Variants in PBK observed in about 807,000 individuals in gnomAD.
The protein encoded by PBK is lymphokine-activated killer T-cell-originated protein kinase.
A neutral mutation model predicts 33.5 loss-of-function variants in PBK; 22 were observed. That is an observed-to-expected ratio of 0.66 (90% CI 0.47 to 0.94). The LOEUF is 0.94. Ranked by LOEUF, PBK falls within the 40% of genes least tolerant of loss-of-function variation. The pLI is 0.00. For missense variants in PBK, 376 were observed against 383.4 expected (o/e 0.98, Z 0.16); for synonymous variants, 129 against 123.8 (o/e 1.04, Z -0.28).
intron 6 of PBK, among the ~76,000 whole-genome samples, chr8:27,815,757 T>A (rs1275210276): frequency 1.3e-5 from 2 of 152,228 alleles, no homozygotes; most frequent in African/African-American, 2.4e-5. Context: ...GTATGTATGT[T>A]TACAGTTCTC....
chr8:27,833,992 GAA>G (rs1806180320), intron 1 of PBK, among the ~76,000 whole-genome samples: 1 of 149,682 alleles, frequency 6.7e-6, no homozygotes, highest in African/African-American at 2.4e-5. Flanking sequence ...CTAAATGAAA[GAA>G]GCCAGACACA....
At chr8:27,833,922 T>G (rs1806179204) in intron 1 of PBK, among the ~76,000 whole-genome samples, 1 of 152,152 alleles carries the variant, frequency 6.6e-6, no homozygotes, top group Admixed American at 6.5e-5. Context: ...GGAATATTAT[T>G]CAGTCATAAA....
In PBK at chr8:27,810,455, T is replaced by G. The variant is rs763169761; in HGVS notation, c.819A>C (p.Ala273=). The G allele has an allele frequency of 3.7e-5, 59 of 1,607,924 alleles. No homozygotes were observed. In the South Asian group the frequency reaches 6.2e-4, roughly 17 times the overall value. Residue 273 remains alanine, a synonymous_variant, in exon 8 of 8, where the codon GCA becomes GCC. Coordinates refer to ENST00000301905, the MANE Select transcript of PBK (RefSeq NM_018492.4). ...TAATAGGTGGCCTAGTTCCCAACGC[T>G]GCATAGTATGCTTCATCATCAAAAT... ...ESDFDDEAYY[A]ALGTRPPINM... is the part of the protein sequence containing the mutation.
Position 27,833,095 on chromosome 8 carries a change from A to G in PBK, c.19T>C (p.Phe7Leu), listed in dbSNP as rs142678781. The change falls in exon 2 of 8, where the codon TTC becomes CTC. Residue 7 changes from phenylalanine to leucine, a missense_variant. Coordinates refer to ENST00000301905, the MANE Select transcript of PBK (RefSeq NM_018492.4). MEGISNFKTPSKLSEKK... is the reference protein window; with the variant it reads MEGISNLKTPSKLSEKK... Reference sequence around the variant, plus strand: ...TCTGATAATTTGCTTGGTGTCTTGAAATTACTGATCCCTTCCATTGTGAAA... The same window carrying G: ...TCTGATAATTTGCTTGGTGTCTTGAGATTACTGATCCCTTCCATTGTGAAA... 1 of 1,600,092 alleles carries G rather than the reference A, an allele frequency of 6.2e-7. No individual in the cohort carries two copies. The highest frequency in any genetic ancestry group is 1.4e-5 in the African/African-American group (1 of 74,020).
intron 2 of PBK, among the ~76,000 whole-genome samples, chr8:27,829,441 G>A (rs1020569896): frequency 9.2e-5 from 14 of 152,124 alleles, no homozygotes; most frequent in Non-Finnish European, 1.9e-4. Flanking sequence ...CTTAACCTCA[G>A]ACCATAACTA....
chr8:27,816,399 G>A (rs1805816113), intron 6 of PBK, among the ~76,000 whole-genome samples: 1 of 138,842 alleles, frequency 7.2e-6, no homozygotes, highest in Non-Finnish European at 1.5e-5. Context: ...TTTTTTTTGA[G>A]ATGGAATCTC....
intron 3 of PBK, among the ~76,000 whole-genome samples, chr8:27,826,082 G>A (rs1239108442): frequency 6.6e-6 from 1 of 152,124 alleles, no homozygotes; most frequent in African/African-American, 2.4e-5. Context: ...ACAGTGGGGG[G>A]GACAGATAAC....
chr8:27,813,321 G>C (rs1805734609), intron 6 of PBK, among the ~76,000 whole-genome samples: 1 of 152,088 alleles, frequency 6.6e-6, no homozygotes, highest in African/African-American at 2.4e-5. Flanking sequence ...CCTGTCATGG[G>C]GTAGGGGGGA....
chr8:27,834,114 G>A (rs1806184403), intron 1 of PBK, among the ~76,000 whole-genome samples: 1 of 149,732 alleles, frequency 6.7e-6, no homozygotes, highest in African/African-American at 2.5e-5. Flanking sequence ...TGCAACCTCT[G>A]CCTCCCAGGT....
At position 27,830,851 on chromosome 8, in the gene PBK, C is replaced by T. The variant is rs4631418; in HGVS notation, c.58+2205G>A. Among the ~76,000 whole-genome samples the T allele has an allele frequency of 1.0e-3, 158 of 152,076 alleles. 1 individual carries two copies. The East Asian group carries it at 0.027, about 26-fold the overall frequency. ...AATAAACTCAATTTAAATATAAAGACGCAAATAGGGCAAGAGTAAAGGGTT... is the reference window on the plus strand; with the variant it reads ...AATAAACTCAATTTAAATATAAAGATGCAAATAGGGCAAGAGTAAAGGGTT... On this transcript the variant is annotated intron_variant, in intron 2 of 7. Coordinates refer to ENST00000301905, the MANE Select transcript of PBK (RefSeq NM_018492.4).
rs1805654152 is a variant in PBK, at chr8:27,810,454, C to T, written c.820G>A (p.Ala274Thr). Residue 274 changes from alanine to threonine, a missense_variant, in exon 8 of 8, where the codon GCG becomes ACG. Coordinates refer to ENST00000301905, the MANE Select transcript of PBK (RefSeq NM_018492.4). ...TTAATAGGTGGCCTAGTTCCCAACGCTGCATAGTATGCTTCATCATCAAAA... is the reference window on the plus strand; with the variant it reads ...TTAATAGGTGGCCTAGTTCCCAACGTTGCATAGTATGCTTCATCATCAAAA... ...SDFDDEAYYA[A>T]LGTRPPINME... is the part of the protein sequence containing the mutation. The T allele has an allele frequency of 6.2e-7, 1 of 1,608,922 alleles. No individual in the cohort carries two copies.
Position 27,810,294 on chromosome 8 carries a change from T to C in PBK, c.*11A>G. On this transcript the variant is annotated 3_prime_UTR_variant, in exon 8 of 8. Transcript: ENST00000301905. The stretch of plus-strand genomic sequence containing the variant: ...TTATTTACGCAAGCCACACTTCAGC[T>C]GAGATGATCACTAGACATCTGTTTC... The C allele has an allele frequency of 6.3e-7, 1 of 1,584,974 alleles. No individual in the cohort carries two copies. Among genetic ancestry groups the C allele is most frequent in the South Asian group, 1.1e-5 (1 of 90,032 alleles).
At chr8:27,833,754 T>C (rs1806175931) in intron 1 of PBK, among the ~76,000 whole-genome samples, 1 of 152,012 alleles carries the variant, frequency 6.6e-6, no homozygotes. Flanking sequence ...ACAGTATGTC[T>C]CCCTGTTATA....
intron 6 of PBK, 200 bp from the exon 7 acceptor site, chr8:27,811,334 T>C: frequency 1.6e-6 from 1 of 607,048 alleles, no homozygotes; most frequent in South Asian, 2.0e-5. Context: ...GCTGGTCAGT[T>C]GGCAGGTATG....
intron 6 of PBK, among the ~76,000 whole-genome samples, chr8:27,811,566 CAAGGAA>C (rs142113443): frequency 0.018 from 2,678 of 152,182 alleles, 63 homozygotes; most frequent in African/African-American, 0.054. Context: ...ATTGCTATGT[CAAGGAA>C]AAGGGAAAGG....
At position 27,820,696 on chromosome 8, in the gene PBK, TA is replaced by T; in HGVS notation, c.466-3del. 6.6e-7 allele frequency: 1 copy of T among 1,507,978 alleles called. No individual in the cohort carries two copies. The highest frequency in any genetic ancestry group is 9.0e-7 in the Non-Finnish European group (1 of 1,110,290). 93.4% of individuals were successfully genotyped at this position (1,507,978 alleles called of 1,614,324 possible). A position where few individuals can be genotyped will look rare whatever the true frequency, so the allele number is the denominator to read the frequency against. On this transcript the variant is annotated splice_region_variant and splice_polypyrimidine_tract_variant and intron_variant, in intron 5 of 7. Coordinates refer to ENST00000301905, the MANE Select transcript of PBK (RefSeq NM_018492.4). ...CAGTTTCTTTTCTTGGTGCAGATAC[TA>T]AAATAGTAAAAAATTTAACACATAT...
chr8:27,819,348 A>G (rs1011127333), intron 6 of PBK, among the ~76,000 whole-genome samples: 5 of 152,154 alleles, frequency 3.3e-5, no homozygotes, highest in African/African-American at 1.2e-4. Context: ...CATAAAAGTT[A>G]AATAATGAAA....
At chr8:27,813,900 CTA>C (rs1222345266) in intron 6 of PBK, among the ~76,000 whole-genome samples, 1 of 151,170 alleles carries the variant, frequency 6.6e-6, no homozygotes, top group Non-Finnish European at 1.5e-5. Context: ...GGATATTGGA[CTA>C]TGATTTTTTT....
chr8:27,828,454 A>AT (rs1806068260), intron 2 of PBK, among the ~76,000 whole-genome samples: 1 of 152,122 alleles, frequency 6.6e-6, no homozygotes, highest in African/African-American at 2.4e-5. Context: ...CTGTTTTCAC[A>AT]TTTTTAAAAC....
Sources: gnomAD v4.1 joint callset for allele counts (sites outside exome capture counted in the v4.1 genomes callset) on GRCh38, gnomAD v4.1.1 for gene constraint, MANE v1.5 for transcripts, NCBI Gene and HGNC (gene_info 2026-07-23, HGNC 2026-07-21) for gene names.